The following SNN variants were observed in gnomAD, a reference collection of about 807,000 sequenced individuals.
The protein encoded by SNN is AG8_1.
SNN carries 5 observed loss-of-function variants against 5.3 expected under a neutral mutation model. The ratio of observed to expected loss-of-function variants is 0.94; its 90% confidence interval spans 0.49 to 1.97. SNN has a LOEUF of 1.97. Among genes scored for constraint, SNN ranks in the 30% most tolerant of loss-of-function variants. SNN has a pLI of 0.01. For missense variants in SNN, 127 were observed against 121.6 expected (o/e 1.04, Z -0.21); for synonymous variants, 67 against 52.1 (o/e 1.29, Z -1.24).
Position 11,672,908 on chromosome 16 carries a change from C to T in SNN, c.-85-3067C>T, listed in dbSNP as rs1004939495. Among the ~76,000 whole-genome samples the T allele has an allele frequency of 5.9e-5, 9 of 152,178 alleles. No individual in the cohort carries two copies. The highest frequency in any genetic ancestry group is 9.7e-5 in the African/African-American group (4 of 41,430). The stretch of plus-strand genomic sequence containing the variant: ...CTGGCCTGCCCACCTGGCTTTGCCC[C>T]GCCTATCCCAGGTCCTGGTGCCATT... On this transcript the variant is annotated intron_variant, in intron 1 of 1. Coordinates refer to ENST00000329565, the MANE Select transcript of SNN (RefSeq NM_003498.6). The surrounding 1 kb of genome is among the most constrained non-coding windows in gnomAD (Gnocchi z 6.0).
chr16:11,668,517 G>T lies in SNN; in HGVS notation c.-109G>T. The T allele has an allele frequency of 6.9e-6, 1 of 145,220 alleles. No individual in the cohort carries two copies. Among genetic ancestry groups the T allele is most frequent in the South Asian group, 2.0e-4 (1 of 4,918 alleles). The allele number at this position is 145,220 out of a possible 1,614,324, so 9.0% of individuals were successfully genotyped here. A position where few individuals can be genotyped will look rare whatever the true frequency, so the allele number is the denominator to read the frequency against. On this transcript the variant is annotated 5_prime_UTR_variant, in exon 1 of 2. Transcript: ENST00000329565. This position sits in a 1 kb window ranked among gnomAD's most constrained non-coding sequence, Gnocchi z 6.8. ...CCCGCGGGGCTGCTGCGGGGCGATC[G>T]GGCCGGGCCGCTGCCGCGCCATGGT... is the stretch of plus-strand genomic sequence containing the variant.
rs1441914625 is a variant in SNN, at chr16:11,668,798, G to T, written c.-86+258G>T. Among the ~76,000 whole-genome samples the T allele has an allele frequency of 6.6e-6, 1 of 151,374 alleles. No individual in the cohort carries two copies. Among genetic ancestry groups the T allele is most frequent in the Admixed American group, 6.6e-5 (1 of 15,246 alleles). On this transcript the variant is annotated intron_variant, in intron 1 of 1. Coordinates refer to ENST00000329565, the MANE Select transcript of SNN (RefSeq NM_003498.6). This position sits in a 1 kb window ranked among gnomAD's most constrained non-coding sequence, Gnocchi z 6.8. ...AAGGAGGCGGCGGGGGGCGGAGGCC[G>T]CTTTGTGGGGATCGCGGGGCGCTCG...
intron 1 of SNN, among the ~76,000 whole-genome samples, chr16:11,670,096 C>T (rs2050257785): frequency 1.3e-5 from 2 of 152,178 alleles, no homozygotes; most frequent in Non-Finnish European, 2.9e-5. Flanking sequence ...TGGCTGTGTC[C>T]AGCAGTGCCC....
In SNN at chr16:11,670,599, C is replaced by G. The variant is rs8191280; in HGVS notation, c.-86+2059C>G. On this transcript the variant is annotated intron_variant, in intron 1 of 1. Transcript: ENST00000329565. Reference sequence around the variant, plus strand: ...TTCACTTTTCTTACCACTTCTCATCCTCCCCACGACCTGGTAGATGAGGTC... The same window carrying G: ...TTCACTTTTCTTACCACTTCTCATCGTCCCCACGACCTGGTAGATGAGGTC... Among the ~76,000 whole-genome samples, 497 of 152,336 alleles carry G rather than the reference C, an allele frequency of 3.3e-3. 13 individuals are homozygous for G. Among genetic ancestry groups the G allele is most frequent in the Admixed American group, 0.03 (466 of 15,308 alleles).
rs2050268905 is a variant in SNN at position 11,671,985 on chromosome 16, T to A, written c.-86+3445T>A. 6.6e-6 allele frequency among the ~76,000 whole-genome samples: 1 copy of A among 152,158 alleles called. No individual in the cohort carries two copies. The highest frequency in any genetic ancestry group is 2.4e-5 in the African/African-American group (1 of 41,416). On this transcript the variant is annotated intron_variant, in intron 1 of 1. Coordinates refer to ENST00000329565, the MANE Select transcript of SNN (RefSeq NM_003498.6). The surrounding 1 kb of genome is among the most constrained non-coding windows in gnomAD (Gnocchi z 4.7). Reference sequence around the variant, plus strand: ...TGTCCCCACACTAGGCCTGCAGCCTTCTCCCATGCAGTCTGCCGGCTTTTT... The same window carrying A: ...TGTCCCCACACTAGGCCTGCAGCCTACTCCCATGCAGTCTGCCGGCTTTTT...
At chr16:11,669,158 C>T (rs2050249012) in intron 1 of SNN, among the ~76,000 whole-genome samples, 1 of 152,198 alleles carries the variant, frequency 6.6e-6, no homozygotes, top group Non-Finnish European at 1.5e-5. Context: ...TCCCTGGAGC[C>T]TCGCTTTGCT....
Position 11,671,290 on chromosome 16 carries a change from T to A in SNN, c.-86+2750T>A, listed in dbSNP as rs1463258618. ...CCCCCTTGGCAGAGGATGGCAAGAC[T>A]GAAGGCACATGGAGCAGGAGGGTGT... is the stretch of plus-strand genomic sequence containing the variant. On this transcript the variant is annotated intron_variant, in intron 1 of 1. Coordinates refer to ENST00000329565, the MANE Select transcript of SNN (RefSeq NM_003498.6). The surrounding 1 kb of genome is among the most constrained non-coding windows in gnomAD (Gnocchi z 4.7). 6.6e-6 allele frequency among the ~76,000 whole-genome samples: 1 copy of A among 152,120 alleles called. No homozygotes were observed. The highest frequency in any genetic ancestry group is 1.5e-5 in the Non-Finnish European group (1 of 68,016).
rs1597387268 is a variant in SNN at position 11,668,811 on chromosome 16, C to T, written c.-86+271C>T. On this transcript the variant is annotated intron_variant, in intron 1 of 1. Transcript: ENST00000329565. The surrounding 1 kb of genome is among the most constrained non-coding windows in gnomAD (Gnocchi z 6.8). Reference sequence around the variant, plus strand: ...GGGGCGGAGGCCGCTTTGTGGGGATCGCGGGGCGCTCGCCCCCGCCCGTGC... The same window carrying T: ...GGGGCGGAGGCCGCTTTGTGGGGATTGCGGGGCGCTCGCCCCCGCCCGTGC... Among the ~76,000 whole-genome samples the T allele has an allele frequency of 6.6e-6, 1 of 151,516 alleles. No individual in the cohort carries two copies. Among genetic ancestry groups the T allele is most frequent in the South Asian group, 2.1e-4 (1 of 4,824 alleles).
chr16:11,676,492 C>T lies in SNN; in HGVS notation c.*166C>T, dbSNP rs2050305587. On this transcript the variant is annotated 3_prime_UTR_variant, in exon 2 of 2. Transcript: ENST00000329565. The stretch of plus-strand genomic sequence containing the variant: ...ACTGATGCCCGGGGACCTGGCTGTC[C>T]TGGGCTTCCCCTCGGCCTCCAGGTG... 3 of 854,882 alleles carry T rather than the reference C, an allele frequency of 3.5e-6. No individual in the cohort carries two copies. The highest frequency in any genetic ancestry group is 5.4e-6 in the Non-Finnish European group (3 of 556,762). 53.0% of individuals were successfully genotyped at this position (854,882 alleles called of 1,614,324 possible). A position where few individuals can be genotyped will look rare whatever the true frequency, so the allele number is the denominator to read the frequency against.
At chr16:11,674,079 A>G (rs2050283121) in intron 1 of SNN, among the ~76,000 whole-genome samples, 1 of 152,198 alleles carries the variant, frequency 6.6e-6, no homozygotes, top group South Asian at 2.1e-4. Context: ...GTTGGGTAAG[A>G]ATCATTTCTC....
rs1026753834 is a variant in SNN at position 11,676,477 on chromosome 16, G to A, written c.*151G>A. ...TTCGTCATCGCATGCACTGATGCCC[G>A]GGGACCTGGCTGTCCTGGGCTTCCC... On this transcript the variant is annotated 3_prime_UTR_variant, in exon 2 of 2. Coordinates refer to ENST00000329565, the MANE Select transcript of SNN (RefSeq NM_003498.6). The A allele has an allele frequency of 2.8e-5, 28 of 986,030 alleles. No homozygotes were observed. Among genetic ancestry groups the A allele is most frequent in the Middle Eastern group, 3.3e-4 (1 of 2,992 alleles). 61.1% of individuals were successfully genotyped at this position (986,030 alleles called of 1,614,324 possible). A position where few individuals can be genotyped will look rare whatever the true frequency, so the allele number is the denominator to read the frequency against.
intron 1 of SNN, among the ~76,000 whole-genome samples, chr16:11,669,393 A>G (rs2050251790): frequency 6.6e-6 from 1 of 152,210 alleles, no homozygotes; most frequent in Non-Finnish European, 1.5e-5. Context: ...GGCACGCGGG[A>G]GAGGAGGTAG....
intron 1 of SNN, among the ~76,000 whole-genome samples, chr16:11,670,491 T>C (rs2050260082): frequency 6.6e-6 from 1 of 152,204 alleles, no homozygotes; most frequent in Admixed American, 6.5e-5. Flanking sequence ...TCGGGCTCAG[T>C]GTTCTCCCTT....
At position 11,671,538 on chromosome 16, in the gene SNN, A is replaced by T. The variant is rs1264624758; in HGVS notation, c.-86+2998A>T. On this transcript the variant is annotated intron_variant, in intron 1 of 1. Coordinates refer to ENST00000329565, the MANE Select transcript of SNN (RefSeq NM_003498.6). This position sits in a 1 kb window ranked among gnomAD's most constrained non-coding sequence, Gnocchi z 4.7. ...CTCAGTTTCCTCACCTGCCAGATGG[A>T]GATGCTAGGGTGAACAAAGGTGGCT... 6.6e-6 allele frequency among the ~76,000 whole-genome samples: 1 copy of T among 151,988 alleles called. No homozygotes were observed. The highest frequency in any genetic ancestry group is 1.5e-5 in the Non-Finnish European group (1 of 67,982).
At position 11,679,046 on chromosome 16, in the gene SNN, TC is replaced by T. The variant is rs550070163; in HGVS notation, c.*2722del. 1.3e-5 allele frequency: 11 copies of T among 843,488 alleles called. No individual in the cohort carries two copies. In the East Asian group the frequency reaches 3.0e-4, roughly 23 times the overall value. 52.3% of individuals were successfully genotyped at this position (843,488 alleles called of 1,614,324 possible). ...TGTGCAATAAGTGGAAGGGATGTCA[TC>T]CTTCTTCAATAAATGCTGAATGACA... On this transcript the variant is annotated 3_prime_UTR_variant, in exon 2 of 2. Transcript: ENST00000329565. This position sits in a 1 kb window ranked among gnomAD's most constrained non-coding sequence, Gnocchi z 4.6.
chr16:11,669,339 C>T lies in SNN; in HGVS notation c.-86+799C>T, dbSNP rs145425442. Among the ~76,000 whole-genome samples, 966 of 152,368 alleles carry T rather than the reference C, an allele frequency of 6.3e-3. 14 individuals are homozygous for T. The highest frequency in any genetic ancestry group is 0.022 in the African/African-American group (921 of 41,590). On this transcript the variant is annotated intron_variant, in intron 1 of 1. Transcript: ENST00000329565. ...ACCCAGCCCAGGTCGCCCAGCCCGC[C>T]CCAGCGAGGGCCACACTGGGGTTCA...
chr16:11,675,772 G>A (rs1406322085), intron 1 of SNN, among the ~76,000 whole-genome samples: 2 of 152,226 alleles, frequency 1.3e-5, no homozygotes, highest in African/African-American at 4.8e-5. Flanking sequence ...CAGCGAGGGT[G>A]ACTCACCTGC....
chr16:11,676,281 A>G lies in SNN; in HGVS notation c.222A>G (p.Arg74=). 1 of 1,614,124 alleles carries G rather than the reference A, an allele frequency of 6.2e-7. No homozygotes were observed. Among genetic ancestry groups the G allele is most frequent in the Non-Finnish European group, 8.5e-7 (1 of 1,180,012 alleles). Residue 74 remains arginine, a synonymous_variant, in exon 2 of 2, where the codon AGA becomes AGG. Transcript: ENST00000329565. ...CGGCCAAGGGACCGTGCGTGGAGAG[A>G]AAGGCCAAGCTGATGACTCCCAACG... ...QYSAKGPCVE[R]KAKLMTPNGP...
At position 11,672,293 on chromosome 16, in the gene SNN, C is replaced by T. The variant is rs2050270661; in HGVS notation, c.-85-3682C>T. Among the ~76,000 whole-genome samples, 1 of 152,150 alleles carries T rather than the reference C, an allele frequency of 6.6e-6. No homozygotes were observed. Among genetic ancestry groups the T allele is most frequent in the South Asian group, 2.1e-4 (1 of 4,828 alleles). ...AGCAGCCAGGGGACAGCCCCTGAGC[C>T]TAGAGAAGGGCAGGTAGCAAGGAGA... On this transcript the variant is annotated intron_variant, in intron 1 of 1. Transcript: ENST00000329565. The surrounding 1 kb of genome is among the most constrained non-coding windows in gnomAD (Gnocchi z 6.0).
Sources: gnomAD v4.1 joint callset for allele counts (sites outside exome capture counted in the v4.1 genomes callset) on GRCh38, gnomAD v4.1.1 for gene constraint, Gnocchi (gnomAD v3.1) non-coding constraint, MANE v1.5 for transcripts, NCBI Gene and HGNC (gene_info 2026-07-23, HGNC 2026-07-21) for gene names.